Variants in NPAS3 observed in about 807,000 individuals in gnomAD.
NPAS3 encodes the protein neuronal PAS domain protein 3.
A neutral mutation model predicts 73.1 loss-of-function variants in NPAS3; 14 were observed. The ratio of observed to expected loss-of-function variants is 0.19; its 90% CI spans 0.13 to 0.30. The LOEUF is 0.30. NPAS3 is among the 10% of genes least tolerant of loss of function. The pLI is 1.00. For missense variants in NPAS3, 1,096 were observed against 1,250.0 expected (o/e 0.88, Z 1.86); for synonymous variants, 620 against 541.5 (o/e 1.14, Z -2.01).
At chr14:33,478,640 A>T (rs1269624634) in intron 4 of NPAS3, among the ~76,000 whole-genome samples, 2 of 152,172 alleles carry the variant, frequency 1.3e-5, no homozygotes, top group Non-Finnish European at 2.9e-5. Flanking sequence ...ACCAGGCCTG[A>T]TGAATTTTGT....
In NPAS3 at chr14:33,180,799, C is replaced by CAAAAAAA. The variant is rs1555350930; in HGVS notation, c.141-34381_141-34380insAAAAAAA. On this transcript the variant is annotated intron_variant, in intron 2 of 11. Transcript: ENST00000356141. Reference sequence around the variant, plus strand: ...GGGCGACAGAGCGAGACACTGTCTCCAAGAAAAAAAAAAAAAAAAAAAAAA... The same window carrying CAAAAAAA: ...GGGCGACAGAGCGAGACACTGTCTCCAAAAAAAAAGAAAAAAAAAAAAAAAAAAAAAA... 1.9e-4 allele frequency among the ~76,000 whole-genome samples: 13 copies of CAAAAAAA among 69,360 alleles called. 2 individuals are homozygous for CAAAAAAA. The highest frequency in any genetic ancestry group is 2.1e-4 in the Admixed American group (1 of 4,696). 45.5% of individuals were successfully genotyped at this position (69,360 alleles called of 152,430 possible). A position where few individuals can be genotyped will look rare whatever the true frequency, so the allele number is the denominator to read the frequency against.
In NPAS3 at chr14:33,110,810, C is replaced by T. The variant is rs567329737; in HGVS notation, c.140+54816C>T. Among the ~76,000 whole-genome samples, 26 of 152,204 alleles carry T rather than the reference C, an allele frequency of 1.7e-4. No individual in the cohort carries two copies. In the East Asian group the frequency reaches 3.7e-3, roughly 22 times the overall value. On this transcript the variant is annotated intron_variant, in intron 2 of 11. Transcript: ENST00000356141. Reference sequence around the variant, plus strand: ...GGGAACCACAACAGCTAGTTGAACCCGGAGAGTTTAATATAAAGAATTGCT... The same window carrying T: ...GGGAACCACAACAGCTAGTTGAACCTGGAGAGTTTAATATAAAGAATTGCT...
chr14:33,781,371 T>A (rs1327798811), intron 9 of NPAS3, among the ~76,000 whole-genome samples: 1 of 152,254 alleles, frequency 6.6e-6, no homozygotes, highest in Non-Finnish European at 1.5e-5. Context: ...TGTGATGGAA[T>A]GTCTGATGTT....
At chr14:33,032,949 G>A (rs2138357046) in intron 1 of NPAS3, among the ~76,000 whole-genome samples, 1 of 152,118 alleles carries the variant, frequency 6.6e-6, no homozygotes, top group Non-Finnish European at 1.5e-5. Context: ...TCAAACTTTG[G>A]TTCAGACTGG....
At chr14:33,150,345 A>T (rs2044402148) in intron 2 of NPAS3, among the ~76,000 whole-genome samples, 2 of 152,354 alleles carry the variant, frequency 1.3e-5, no homozygotes, top group South Asian at 4.1e-4. Context: ...TGGCTCTGTG[A>T]TGTCACATGT....
chr14:33,445,183 CG>C (rs1455902106), intron 4 of NPAS3, among the ~76,000 whole-genome samples: 1 of 152,188 alleles, frequency 6.6e-6, no homozygotes, highest in Non-Finnish European at 1.5e-5. Flanking sequence ...TGAGTCACAT[CG>C]CTCTGAGTTG....
intron 5 of NPAS3, among the ~76,000 whole-genome samples, chr14:33,600,453 T>C (rs138803697): frequency 9.2e-5 from 14 of 152,356 alleles, no homozygotes; most frequent in Non-Finnish European, 1.6e-4. Context: ...AAGAGCTCTC[T>C]GTGCTTGGCA....
At chr14:33,181,074 A>G (rs184880193) in intron 2 of NPAS3, among the ~76,000 whole-genome samples, 174 of 152,250 alleles carry the variant, frequency 1.1e-3, no homozygotes, top group African/African-American at 3.9e-3. Context: ...TTCACCTCAT[A>G]TGGCATTTAT....
upstream of NPAS3, chr14:32,934,970 A>G: frequency 2.3e-6 from 3 of 1,320,190 alleles, no homozygotes; most frequent in Admixed American, 2.6e-5. The surrounding 1 kb of genome is among the most constrained non-coding windows in gnomAD (Gnocchi z 4.1). Flanking sequence ...GGCACCCCGC[A>G]GAACGTCCAG....
chr14:33,669,658 C>T (rs538570916), intron 5 of NPAS3, among the ~76,000 whole-genome samples: 13 of 152,294 alleles, frequency 8.5e-5, no homozygotes, highest in East Asian at 5.8e-4. Context: ...TTTATACACA[C>T]GCTATTTCTA....
chr14:33,232,045 A>G (rs140931646), intron 3 of NPAS3, among the ~76,000 whole-genome samples: 2 of 152,310 alleles, frequency 1.3e-5, no homozygotes, highest in African/African-American at 4.8e-5. Flanking sequence ...CTTATCAACC[A>G]TTAGGTAATG....
At chr14:33,098,115 C>T (rs1057170938) in intron 2 of NPAS3, among the ~76,000 whole-genome samples, 1 of 152,086 alleles carries the variant, frequency 6.6e-6, no homozygotes, top group African/African-American at 2.4e-5. Flanking sequence ...TCTTTTAGAA[C>T]CCTTTAGATA....
chr14:33,116,408 T>G (rs781524869), intron 2 of NPAS3, among the ~76,000 whole-genome samples: 2 of 152,180 alleles, frequency 1.3e-5, no homozygotes, highest in Non-Finnish European at 2.9e-5. Flanking sequence ...GAATCAAATT[T>G]AAGTAAGTTT....
chr14:33,604,745 T>A (rs1338289679), intron 5 of NPAS3, among the ~76,000 whole-genome samples: 4 of 152,114 alleles, frequency 2.6e-5, no homozygotes, highest in Admixed American at 6.5e-5. Flanking sequence ...GTTTAAGTCA[T>A]ACAAAATATG....
chr14:33,486,249 T>C (rs2051590050), intron 4 of NPAS3, among the ~76,000 whole-genome samples: 2 of 152,084 alleles, frequency 1.3e-5, no homozygotes, highest in African/African-American at 4.8e-5. Context: ...CGGCCAATTG[T>C]GATAACATTT....
rs1491383211 is a variant in NPAS3 at position 33,335,030 on chromosome 14, T to TTGTGTGTGTGCGTGTG, written c.386-32146_386-32145insCGTGTGTGTGTGTGTG. Among the ~76,000 whole-genome samples, 74 of 144,260 alleles carry TTGTGTGTGTGCGTGTG rather than the reference T, an allele frequency of 5.1e-4. No individual in the cohort carries two copies. The South Asian group carries it at 8.5e-3, about 17-fold the overall frequency. The allele number at this position is 144,260 out of a possible 152,430, so 94.6% of individuals were successfully genotyped here. Reference sequence around the variant, plus strand: ...CTTGCTATGGCTTAGTGGTATTCCATTGTGTGTGTGTGCGTGTGTGTGTGT... The same window carrying TTGTGTGTGTGCGTGTG: ...CTTGCTATGGCTTAGTGGTATTCCATTGTGTGTGTGCGTGTGTGTGTGTGTGTGCGTGTGTGTGTGT... On this transcript the variant is annotated intron_variant, in intron 3 of 11. Transcript: ENST00000356141.
chr14:33,366,618 G>A (rs2045857628), intron 3 of NPAS3, among the ~76,000 whole-genome samples: 4 of 152,186 alleles, frequency 2.6e-5, no homozygotes, highest in Admixed American at 2.0e-4. Flanking sequence ...CAGTAAATGT[G>A]AAATCCAGCC....
At position 32,983,075 on chromosome 14, in the gene NPAS3, C is replaced by T. The variant is rs114907264; in HGVS notation, c.50+43709C>T. Among the ~76,000 whole-genome samples, 357 of 152,224 alleles carry T rather than the reference C, an allele frequency of 2.3e-3. 3 individuals carry two copies. The highest frequency in any genetic ancestry group is 0.014 in the South Asian group (69 of 4,822). Reference sequence around the variant, plus strand: ...TAGAGAAGAAAAACCTATTTCAATACTAAAAACTGTAGATGTTTGAGTAGC... The same window carrying T: ...TAGAGAAGAAAAACCTATTTCAATATTAAAAACTGTAGATGTTTGAGTAGC... On this transcript the variant is annotated intron_variant, in intron 1 of 11. Transcript: ENST00000356141.
chr14:33,462,554 A>G (rs950642592), intron 4 of NPAS3, among the ~76,000 whole-genome samples: 1 of 152,202 alleles, frequency 6.6e-6, no homozygotes, highest in African/African-American at 2.4e-5. Flanking sequence ...AACGGGGAGC[A>G]GAGATCCCAG....
Sources: gnomAD v4.1 joint callset for allele counts (sites outside exome capture counted in the v4.1 genomes callset) on GRCh38, gnomAD v4.1.1 for gene constraint, Gnocchi (gnomAD v3.1) non-coding constraint, MANE v1.5 for transcripts, NCBI Gene and HGNC (gene_info 2026-07-23, HGNC 2026-07-21) for gene names.